Variants in GRIA4 observed in about 807,000 individuals in gnomAD.
GRIA4 encodes glutamate ionotropic receptor AMPA type subunit 4.
In GRIA4, 34 loss-of-function variants were observed where a neutral mutation model predicts 104.0. That is an observed-to-expected ratio of 0.33 (90% confidence interval 0.25 to 0.44). GRIA4 has a LOEUF of 0.44. Ranked by LOEUF, GRIA4 falls within the 20% of genes least tolerant of loss-of-function variation. GRIA4 has a pLI of 1.00. For synonymous variants in GRIA4, 386 were observed against 381.9 expected (o/e 1.01, Z -0.13); for missense variants, 750 against 1,096.5 (o/e 0.68, Z 4.46).
intron 3 of GRIA4, among the ~76,000 whole-genome samples, chr11:105,724,113 A>G (rs1388432814): frequency 1.3e-5 from 2 of 152,060 alleles, no homozygotes; most frequent in African/African-American, 4.8e-5. Flanking sequence ...GAGATTCCCA[A>G]AGAACTAAAA....
At chr11:105,880,364 T>C (rs1400444398) in intron 5 of GRIA4, among the ~76,000 whole-genome samples, 1 of 152,216 alleles carries the variant, frequency 6.6e-6, no homozygotes, top group African/African-American at 2.4e-5. Flanking sequence ...CAAGTGCTTT[T>C]CAATAGCCAT....
chr11:105,614,959 A>G (rs1950564358), intron 3 of GRIA4, among the ~76,000 whole-genome samples: 1 of 151,984 alleles, frequency 6.6e-6, no homozygotes, highest in Non-Finnish European at 1.5e-5. Flanking sequence ...TTGAAATTTA[A>G]TATTCTAGAT....
chr11:105,969,769 T>A (rs1858588601), intron 14 of GRIA4, among the ~76,000 whole-genome samples: 1 of 152,076 alleles, frequency 6.6e-6, no homozygotes, highest in South Asian at 2.1e-4. Flanking sequence ...ACCCTTAGAG[T>A]ATCAGTTCAA....
At chr11:105,756,421 CA>C (rs1450683552) in intron 4 of GRIA4, among the ~76,000 whole-genome samples, 1 of 152,108 alleles carries the variant, frequency 6.6e-6, no homozygotes, top group Non-Finnish European at 1.5e-5. Context: ...TCCACCAACA[CA>C]AATGTACCAT....
chr11:105,706,607 G>A (rs1187487788), intron 3 of GRIA4: 1 of 153,398 alleles, frequency 6.5e-6, no homozygotes, highest in African/African-American at 2.4e-5. Flanking sequence ...TAAAGGAAGA[G>A]GCCAGGGATG....
chr11:105,819,065 G>T (rs1943485385), intron 4 of GRIA4, among the ~76,000 whole-genome samples: 2 of 152,076 alleles, frequency 1.3e-5, no homozygotes, highest in Admixed American at 1.3e-4. Context: ...CAGCCATTTG[G>T]GTTTGGACAC....
chr11:105,655,563 C>G (rs1323505068), intron 3 of GRIA4, among the ~76,000 whole-genome samples: 1 of 152,030 alleles, frequency 6.6e-6, no homozygotes, highest in Admixed American at 6.6e-5. Context: ...TGTTCAACTC[C>G]CACTTATGAC....
chr11:105,807,372 A>G (rs986769625), intron 4 of GRIA4, among the ~76,000 whole-genome samples: 2 of 152,092 alleles, frequency 1.3e-5, no homozygotes, highest in East Asian at 3.9e-4. Flanking sequence ...AGATATCAAT[A>G]GATAATGTTA....
chr11:105,749,901 T>G (rs967562855), intron 3 of GRIA4, among the ~76,000 whole-genome samples: 2 of 152,046 alleles, frequency 1.3e-5, no homozygotes, highest in African/African-American at 4.8e-5. Flanking sequence ...CAATCTAATA[T>G]CATTGCATGT....
At chr11:105,945,797 A>C (rs1265222607) in intron 14 of GRIA4, among the ~76,000 whole-genome samples, 1 of 152,192 alleles carries the variant, frequency 6.6e-6, no homozygotes, top group Non-Finnish European at 1.5e-5. Flanking sequence ...AGATACTTGC[A>C]TAGGCCTTAG....
At chr11:105,866,611 C>G (rs1945430118) in intron 5 of GRIA4, among the ~76,000 whole-genome samples, 2 of 137,350 alleles carry the variant, frequency 1.5e-5, no homozygotes, top group African/African-American at 5.4e-5. Context: ...GCTGAAGATA[C>G]AGTGCTAAGC....
chr11:105,858,938 G>A (rs185789960), intron 4 of GRIA4, among the ~76,000 whole-genome samples: 1 of 152,226 alleles, frequency 6.6e-6, no homozygotes, highest in East Asian at 1.9e-4. Context: ...CTTTACAGTA[G>A]TGAATTTCCT....
At chr11:105,622,603 G>A (rs952467923) in intron 3 of GRIA4, among the ~76,000 whole-genome samples, 7 of 150,424 alleles carry the variant, frequency 4.7e-5, no homozygotes, top group Non-Finnish European at 7.4e-5. Context: ...AAATCCCCAT[G>A]CCTCTACCTC....
At chr11:105,855,987 A>G (rs1944995432) in intron 4 of GRIA4, among the ~76,000 whole-genome samples, 1 of 152,204 alleles carries the variant, frequency 6.6e-6, no homozygotes, top group Non-Finnish European at 1.5e-5. Context: ...AAATAGAAGT[A>G]GAATGACCAC....
In GRIA4 at chr11:105,610,917, C is replaced by T; in HGVS notation, c.-81C>T. The T allele has an allele frequency of 4.1e-6, 2 of 489,204 alleles. No individual in the cohort carries two copies. Among genetic ancestry groups the T allele is most frequent in the South Asian group, 3.7e-5 (1 of 27,384 alleles). The allele number at this position is 489,204 out of a possible 1,614,324, so 30.3% of individuals were successfully genotyped here. On this transcript the variant is annotated 5_prime_UTR_variant, in exon 2 of 17. Coordinates refer to ENST00000282499, the MANE Select transcript of GRIA4 (RefSeq NM_000829.4). The stretch of plus-strand genomic sequence containing the variant: ...TTGATTTTAATTTTAGCGCCATCGT[C>T]TTCAATGCTTCTCTGAACAGCCTTT...
rs747948582 is a variant in GRIA4, at chr11:105,979,571, C to T, written c.2545-4C>T. On this transcript the variant is annotated splice_polypyrimidine_tract_variant and splice_region_variant and intron_variant, in intron 16 of 16. Coordinates refer to ENST00000282499, the MANE Select transcript of GRIA4 (RefSeq NM_000829.4). ...TCTTTCTGCTTCCTTTCCATGCAAC[C>T]CAGCTGACCTTTTCTGAAGCCATAA... 1.3e-5 allele frequency: 21 copies of T among 1,613,366 alleles called. No homozygotes were observed. In the Admixed American group the frequency reaches 3.3e-4, roughly 26 times the overall value.
intron 3 of GRIA4, among the ~76,000 whole-genome samples, chr11:105,721,430 G>A (rs1232695021): frequency 6.6e-6 from 1 of 151,940 alleles, no homozygotes; most frequent in African/African-American, 2.4e-5. Context: ...GATTCTTACA[G>A]TTTAATTTTA....
chr11:105,924,412 C>A lies in GRIA4; in HGVS notation c.1490C>A (p.Ala497Asp). The A allele has an allele frequency of 6.3e-7, 1 of 1,595,598 alleles. No individual in the cohort carries two copies. The highest frequency in any genetic ancestry group is 8.6e-7 in the Non-Finnish European group (1 of 1,168,040). The change falls in exon 12 of 17, where the codon GCT becomes GAT. Residue 497 changes from alanine to aspartate, a missense_variant. By Grantham distance (126) the Ala-to-Asp change is moderately radical. Coordinates refer to ENST00000282499, the MANE Select transcript of GRIA4 (RefSeq NM_000829.4). Reference sequence around the variant, plus strand: ...TTTCTCTTATAGAAAGCAGAGATTGCTATTGCCCCTCTGACAATCACTTTG... The same window carrying A: ...TTTCTCTTATAGAAAGCAGAGATTGATATTGCCCCTCTGACAATCACTTTG... ...GELVYGKAEI[A>D]IAPLTITLVR...
In GRIA4 at chr11:105,887,579, A is replaced by G. The variant is rs749798251; in HGVS notation, c.726+7A>G. On this transcript the variant is annotated splice_region_variant and intron_variant, in intron 6 of 16. Coordinates refer to ENST00000282499, the MANE Select transcript of GRIA4 (RefSeq NM_000829.4). ...TTATATCATTGCAAACTTGGTAAGAACTTCTTATTTTCTACTTTTCATAAG... is the reference window on the plus strand; with the variant it reads ...TTATATCATTGCAAACTTGGTAAGAGCTTCTTATTTTCTACTTTTCATAAG... 2.3e-6 allele frequency: 3 copies of G among 1,291,350 alleles called. No individual in the cohort carries two copies. In the South Asian group the frequency reaches 3.7e-5, roughly 16 times the overall value. 80.0% of individuals were successfully genotyped at this position (1,291,350 alleles called of 1,614,324 possible).
Sources: gnomAD v4.1 joint callset for allele counts (sites outside exome capture counted in the v4.1 genomes callset) on GRCh38, gnomAD v4.1.1 for gene constraint, MANE v1.5 for transcripts, NCBI Gene and HGNC (gene_info 2026-07-23, HGNC 2026-07-21) for gene names.